The following RCAN2 variants were observed in gnomAD, a reference collection of about 807,000 sequenced individuals.
RCAN2 encodes the protein calcipressin-2.
Under a neutral mutation model 23.6 loss-of-function variants are expected in RCAN2, and 9 were observed. The observed-to-expected ratio is 0.38, with a 90% confidence interval of 0.23 to 0.67. The LOEUF is 0.67. Ranked by LOEUF, RCAN2 falls within the 30% of genes least tolerant of loss-of-function variation. The pLI, the probability that RCAN2 is intolerant of heterozygous loss-of-function variation, is 0.51. For missense variants in RCAN2, 273 were observed against 302.3 expected, an observed-to-expected ratio of 0.90 and a Z score of 0.72; for synonymous variants, 109 against 115.7, an observed-to-expected ratio of 0.94 and a Z score of 0.37.
chr6:46,396,827 C>T lies in RCAN2; in HGVS notation c.225+59925G>A, dbSNP rs147707417. ...TGATATCCAAATAGTAAATAGTAAT[C>T]TTGGCTGGGTGCGGTGGCTCAGGCC... On this transcript the variant is annotated intron_variant, in intron 2 of 4. Transcript: ENST00000371374. 2.2e-4 allele frequency among the ~76,000 whole-genome samples: 33 copies of T among 152,212 alleles called. No individual in the cohort carries two copies. In the East Asian group the frequency reaches 6.0e-3, roughly 28 times the overall value.
intron 2 of RCAN2, among the ~76,000 whole-genome samples, chr6:46,265,349 C>T (rs1378760004): frequency 6.6e-6 from 1 of 152,098 alleles, no homozygotes; most frequent in East Asian, 1.9e-4. Flanking sequence ...AGGCATCGTT[C>T]AGTGCCAAAA....
chr6:46,379,022 C>A (rs528062827), intron 2 of RCAN2, among the ~76,000 whole-genome samples: 1 of 152,212 alleles, frequency 6.6e-6, no homozygotes, highest in East Asian at 1.9e-4. Flanking sequence ...AGTACTGTAG[C>A]CAAATGAGGA....
chr6:46,338,023 G>A (rs1024277106), intron 2 of RCAN2, among the ~76,000 whole-genome samples: 3 of 152,214 alleles, frequency 2.0e-5, no homozygotes, highest in Admixed American at 1.3e-4. Flanking sequence ...ATCTAGATTA[G>A]GAGTAGAGGG....
intron 2 of RCAN2, among the ~76,000 whole-genome samples, chr6:46,288,198 G>C (rs999439872): frequency 5.9e-5 from 9 of 152,202 alleles, no homozygotes; most frequent in Non-Finnish European, 1.0e-4. Flanking sequence ...CTGCACAAAC[G>C]ATAGAAGGCT....
At chr6:46,269,780 G>A (rs1767465134) in intron 2 of RCAN2, among the ~76,000 whole-genome samples, 1 of 152,162 alleles carries the variant, frequency 6.6e-6, no homozygotes, top group African/African-American at 2.4e-5. Context: ...GGATTGGGCA[G>A]AGGGAGGACT....
chr6:46,356,576 G>A (rs551213506), intron 2 of RCAN2, among the ~76,000 whole-genome samples: 65 of 152,316 alleles, frequency 4.3e-4, no homozygotes, highest in African/African-American at 1.5e-3. Context: ...TGCAACTGGT[G>A]TGGTCAGGGC....
intron 2 of RCAN2, among the ~76,000 whole-genome samples, chr6:46,294,512 A>T (rs1174150368): frequency 6.6e-6 from 1 of 152,010 alleles, no homozygotes; most frequent in Non-Finnish European, 1.5e-5. Context: ...TTTAAGCACA[A>T]TTTTTTTTAA....
At chr6:46,306,528 G>A in intron 2 of RCAN2, among the ~76,000 whole-genome samples, 1 of 152,164 alleles carries the variant, frequency 6.6e-6, no homozygotes, top group East Asian at 1.9e-4. Context: ...GGCAGTGATG[G>A]TGACATTTAC....
chr6:46,451,194 C>A (rs1454205809), intron 2 of RCAN2, among the ~76,000 whole-genome samples: 2 of 151,966 alleles, frequency 1.3e-5, no homozygotes, highest in African/African-American at 4.8e-5. Context: ...AATGTAGATT[C>A]ATTTTTATGT....
chr6:46,294,960 C>A (rs969411173), intron 2 of RCAN2, among the ~76,000 whole-genome samples: 7 of 152,052 alleles, frequency 4.6e-5, no homozygotes, highest in Admixed American at 1.3e-4. Flanking sequence ...GACAGAAAAA[C>A]CATATGTAAG....
chr6:46,269,414 G>C (rs181907777), intron 2 of RCAN2, among the ~76,000 whole-genome samples: 17 of 152,302 alleles, frequency 1.1e-4, no homozygotes, highest in Admixed American at 9.1e-4. Context: ...TGTTACAGCT[G>C]TCATAGCCTG....
chr6:46,464,511 T>G (rs997973003), intron 1 of RCAN2, among the ~76,000 whole-genome samples: 6 of 152,162 alleles, frequency 3.9e-5, no homozygotes, highest in African/African-American at 1.4e-4. Context: ...TTTGTCCATC[T>G]TACAGGGAGA....
intron 4 of RCAN2, among the ~76,000 whole-genome samples, chr6:46,243,565 C>G (rs951470415): frequency 3.9e-5 from 6 of 152,064 alleles, no homozygotes; most frequent in Non-Finnish European, 7.4e-5. Flanking sequence ...AATCCCAGCA[C>G]TTTGGGAGAC....
chr6:46,393,230 G>A (rs1015258846), intron 2 of RCAN2, among the ~76,000 whole-genome samples: 2 of 152,128 alleles, frequency 1.3e-5, no homozygotes, highest in Admixed American at 1.3e-4. Context: ...GGATACTTTT[G>A]TGTGTAGTTT....
Position 46,255,944 on chromosome 6 carries a change from G to T in RCAN2, c.226-7048C>A, listed in dbSNP as rs1246371062. Among the ~76,000 whole-genome samples the T allele has an allele frequency of 2.0e-5, 3 of 152,178 alleles. No homozygotes were observed. The East Asian group carries it at 5.8e-4, about 29-fold the overall frequency. On this transcript the variant is annotated intron_variant, in intron 2 of 4. Coordinates refer to ENST00000371374, the MANE Select transcript of RCAN2 (RefSeq NM_001251974.2). The stretch of plus-strand genomic sequence containing the variant: ...AATCTGCCTAGCAATGTGTAATTGC[G>T]AGGGAATAAGCATTGCTCAGAGCAA...
chr6:46,317,434 C>T (rs1391472745), intron 2 of RCAN2, among the ~76,000 whole-genome samples: 1 of 151,984 alleles, frequency 6.6e-6, no homozygotes, highest in African/African-American at 2.4e-5. Flanking sequence ...GCTTTATACC[C>T]CAATAACTTT....
chr6:46,306,816 C>T (rs1410602495), intron 2 of RCAN2, among the ~76,000 whole-genome samples: 1 of 152,076 alleles, frequency 6.6e-6, no homozygotes. Context: ...AACTCCTGTC[C>T]CTAATCATAA....
At chr6:46,436,573 A>G (rs1009063129) in intron 2 of RCAN2, among the ~76,000 whole-genome samples, 8 of 152,204 alleles carry the variant, frequency 5.3e-5, no homozygotes, top group African/African-American at 1.9e-4. Context: ...GGCAGAAACT[A>G]TTATTATTCC....
At chr6:46,305,782 T>C (rs1763045034) in intron 2 of RCAN2, among the ~76,000 whole-genome samples, 1 of 152,060 alleles carries the variant, frequency 6.6e-6, no homozygotes, top group Non-Finnish European at 1.5e-5. Flanking sequence ...TGTTGGTTCA[T>C]GAGCTAGTCA....
Sources: gnomAD v4.1 joint callset for allele counts (sites outside exome capture counted in the v4.1 genomes callset) on GRCh38, gnomAD v4.1.1 for gene constraint, MANE v1.5 for transcripts, NCBI Gene and HGNC (gene_info 2026-07-23, HGNC 2026-07-21) for gene names.